Variants in ATF7IP2 observed in about 807,000 individuals in gnomAD.
The protein encoded by ATF7IP2 is activating transcription factor 7-interacting protein 2.
A neutral mutation model predicts 64.2 loss-of-function variants in ATF7IP2; 42 were observed. The observed-to-expected ratio is 0.65, with a 90% CI of 0.51 to 0.85. The LOEUF is 0.85. Among genes scored for constraint, ATF7IP2 ranks in the 40% least tolerant of loss-of-function variants. The pLI is 0.00. For missense variants in ATF7IP2, 933 were observed against 784.2 expected, an observed-to-expected ratio of 1.19 and a Z score of -2.27; for synonymous variants, 308 against 272.8, an observed-to-expected ratio of 1.13 and a Z score of -1.27.
In ATF7IP2 at chr16:10,396,840, A is replaced by G. The variant is rs1419779295; in HGVS notation, c.-242+10718A>G. On this transcript the variant is annotated intron_variant, in intron 1 of 13. Transcript: ENST00000562102. ...AATTAAAAAAAAAATTTTTTTTTTA[A>G]GATTTTTGTAGTGACAAGATTTCCT... Among the ~76,000 whole-genome samples, 2 of 151,740 alleles carry G rather than the reference A, an allele frequency of 1.3e-5. 1 individual carries two copies. Among genetic ancestry groups the G allele is most frequent in the Non-Finnish European group, 2.9e-5 (2 of 67,930 alleles).
At chr16:10,424,224 A>G (rs938609833) in intron 3 of ATF7IP2, among the ~76,000 whole-genome samples, 3 of 151,978 alleles carry the variant, frequency 2.0e-5, no homozygotes, top group African/African-American at 7.3e-5. Context: ...TAAACCAACA[A>G]CCTTCAGCGT....
rs1442761905 is a variant in ATF7IP2, at chr16:10,433,565, A to C, written c.876A>C (p.Glu292Asp). ...AGAGGATGTTTTCAGAAAACGAGGA[A>C]AATGTTAAACGCATGAAAACTTCAG... Reference protein sequence around the residue: ...QKKRMFSENEENVKRMKTSEQ... With the variant: ...QKKRMFSENEDNVKRMKTSEQ... Residue 292 changes from glutamate (E) to aspartate (D), a missense_variant, in exon 6 of 14, where the codon GAA (glutamate) becomes GAC (aspartate). Transcript: ENST00000562102. The C allele has an allele frequency of 6.2e-7, 1 of 1,613,260 alleles. No individual in the cohort carries two copies.
At chr16:10,469,950 T>C (rs1250140562) in intron 9 of ATF7IP2, among the ~76,000 whole-genome samples, 2 of 148,840 alleles carry the variant, frequency 1.3e-5, no homozygotes, top group South Asian at 2.1e-4. Flanking sequence ...GTTTCCAAAG[T>C]GTAGGGGAAA....
intron 13 of ATF7IP2, among the ~76,000 whole-genome samples, chr16:10,481,631 A>C (rs982345035): frequency 6.6e-6 from 1 of 152,128 alleles, no homozygotes; most frequent in Non-Finnish European, 1.5e-5. Context: ...CTGGAACCTA[A>C]CCCATTCTGG....
At chr16:10,448,102 A>G (rs2048870506) in intron 8 of ATF7IP2, 1 of 152,104 alleles carries the variant, frequency 6.6e-6, no homozygotes, top group South Asian at 2.1e-4. Context: ...TGTTATATCT[A>G]AGGCCTCTGT....
rs2048323584 is a variant in ATF7IP2 at position 10,433,512 on chromosome 16, T to G, written c.836-13T>G. ...TAAAATATCTTTCTTTCTAATCTTT[T>G]GATCTCCTCAAGGCCATTATCAAAA... On this transcript the variant is annotated splice_polypyrimidine_tract_variant and intron_variant, in intron 5 of 13. Transcript: ENST00000562102. The G allele has an allele frequency of 1.9e-6, 3 of 1,603,928 alleles. No homozygotes were observed.
Position 10,440,459 on chromosome 16 carries a change from T to G in ATF7IP2, c.1191T>G (p.Ser397=). The change falls in exon 8 of 14, where the codon TCT becomes TCG. Residue 397 remains serine, a synonymous_variant. Coordinates refer to ENST00000562102, the MANE Select transcript of ATF7IP2 (RefSeq NM_001393719.1). The part of the protein sequence containing the change: ...KPNMLSSNGA[S]KVANSEAMIL... The stretch of plus-strand genomic sequence containing the variant: ...ACATGTTATCCAGTAATGGAGCCTC[T>G]AAGGTTTGTATAAACACACAGGAAT... 6.7e-7 allele frequency: 1 copy of G among 1,496,210 alleles called. No individual in the cohort carries two copies. The highest frequency in any genetic ancestry group is 9.1e-7 in the Non-Finnish European group (1 of 1,103,748). 92.7% of individuals were successfully genotyped at this position (1,496,210 alleles called of 1,614,324 possible).
In ATF7IP2 at chr16:10,440,028, C is replaced by T. The variant is rs558775513; in HGVS notation, c.1096-336C>T. Among the ~76,000 whole-genome samples the T allele has an allele frequency of 2.0e-3, 300 of 151,878 alleles. 1 individual carries two copies. Among genetic ancestry groups the T allele is most frequent in the African/African-American group, 7.1e-3 (294 of 41,482 alleles). ...ATACAAAATTAGCCAGGTATGGTGG[C>T]GCATGCCTGTAATCCTAGCTACTTG... On this transcript the variant is annotated intron_variant, in intron 7 of 13. Coordinates refer to ENST00000562102, the MANE Select transcript of ATF7IP2 (RefSeq NM_001393719.1).
At chr16:10,439,477 G>A (rs1314297029) in intron 7 of ATF7IP2, among the ~76,000 whole-genome samples, 9 of 149,404 alleles carry the variant, frequency 6.0e-5, no homozygotes, top group South Asian at 2.1e-4. Flanking sequence ...CTCATGATCC[G>A]CCTGCCTCGG....
rs767569408 is a variant in ATF7IP2 at position 10,430,915 on chromosome 16, G to A, written c.295G>A (p.Val99Ile). ...ATTCTCTCAGAATTGCATAAAACCAGTAGAAGAAATTGTTCATTCAGAAAC... is the reference window on the plus strand; with the variant it reads ...ATTCTCTCAGAATTGCATAAAACCAATAGAAGAAATTGTTCATTCAGAAAC... The part of the protein sequence containing the change: ...KVFSQNCIKP[V>I]EEIVHSETKL... The change falls in exon 5 of 14, where the codon GTA (valine) becomes ATA (isoleucine). Residue 99 changes from valine to isoleucine, a missense_variant. By Grantham distance (29) the Val-to-Ile change is conservative. Coordinates refer to ENST00000562102, the MANE Select transcript of ATF7IP2 (RefSeq NM_001393719.1). The A allele has an allele frequency of 6.2e-7, 1 of 1,613,984 alleles. No homozygotes were observed. Among genetic ancestry groups the A allele is most frequent in the Non-Finnish European group, 8.5e-7 (1 of 1,180,020 alleles).
Position 10,476,500 on chromosome 16 carries a change from T to TGTG in ATF7IP2, c.1549+2511_1549+2512insGTG, listed in dbSNP as rs564543739. 5.9e-3 allele frequency among the ~76,000 whole-genome samples: 892 copies of TGTG among 151,926 alleles called. 4 individuals are homozygous for TGTG. The highest frequency in any genetic ancestry group is 0.021 in the African/African-American group (852 of 41,358). ...TCTCCCCAGTTGTGTGTGTGTGTGT[T>TGTG]TTTTTTTAAACTTTATGTTCTGGGG... On this transcript the variant is annotated intron_variant, in intron 12 of 13. Transcript: ENST00000562102.
intron 1 of ATF7IP2, among the ~76,000 whole-genome samples, chr16:10,393,323 A>T: frequency 3.1e-5 from 1 of 32,050 alleles, no homozygotes; most frequent in East Asian, 1.7e-3. Flanking sequence ...CTCAAAAAAA[A>T]AAAAAAAAAA....
Position 10,393,017 on chromosome 16 carries a change from T to G in ATF7IP2, c.-242+6895T>G, listed in dbSNP as rs79786560. ...GAAAAGAAAAATGAAGTTTTAAAAA[T>G]GAAACCATTAGGCCAGGTGCGATGG... On this transcript the variant is annotated intron_variant, in intron 1 of 13. Coordinates refer to ENST00000562102, the MANE Select transcript of ATF7IP2 (RefSeq NM_001393719.1). 4.4e-3 allele frequency among the ~76,000 whole-genome samples: 665 copies of G among 151,644 alleles called. 3 individuals carry two copies. Among genetic ancestry groups the G allele is most frequent in the African/African-American group, 0.015 (610 of 41,346 alleles).
chr16:10,428,055 A>C (rs898807998), intron 3 of ATF7IP2, among the ~76,000 whole-genome samples: 24 of 152,206 alleles, frequency 1.6e-4, no homozygotes, highest in Non-Finnish European at 1.8e-4. Flanking sequence ...CAACAACAAA[A>C]TTAAACAGTA....
chr16:10,440,921 G>A (rs1006023298), intron 8 of ATF7IP2, among the ~76,000 whole-genome samples: 6 of 152,008 alleles, frequency 3.9e-5, no homozygotes, highest in African/African-American at 1.4e-4. Context: ...CCCCTGACAG[G>A]CCCTGGTGTG....
chr16:10,425,033 G>A (rs1397209458), intron 3 of ATF7IP2, among the ~76,000 whole-genome samples: 1 of 148,336 alleles, frequency 6.7e-6, no homozygotes, highest in African/African-American at 2.5e-5. Context: ...ATAAAAACTT[G>A]TACATGAATG....
At chr16:10,424,923 C>CA (rs2048053372) in intron 3 of ATF7IP2, among the ~76,000 whole-genome samples, 2 of 152,184 alleles carry the variant, frequency 1.3e-5, no homozygotes, top group Non-Finnish European at 2.9e-5. Flanking sequence ...GGGAAACAGT[C>CA]TGGTAGTTCC....
chr16:10,403,946 G>A (rs2047584509), intron 1 of ATF7IP2, among the ~76,000 whole-genome samples: 1 of 152,088 alleles, frequency 6.6e-6, no homozygotes, highest in Non-Finnish European at 1.5e-5. Context: ...ACTACATAAA[G>A]CCGCAGAACT....
chr16:10,453,678 CACAA>C (rs2049064329), intron 8 of ATF7IP2, among the ~76,000 whole-genome samples: 1 of 152,144 alleles, frequency 6.6e-6, no homozygotes, highest in African/African-American at 2.4e-5. Context: ...AGTGCAGTGG[CACAA>C]TCTCAGCTCA....
Sources: allele counts gnomAD v4.1 joint callset (sites outside exome capture counted in the v4.1 genomes callset), GRCh38; gene constraint gnomAD v4.1.1; transcripts MANE v1.5; gene names NCBI Gene and HGNC (gene_info 2026-07-23, HGNC 2026-07-21).